The following STK32B variants were observed in gnomAD, a reference collection of about 807,000 sequenced individuals.
The protein encoded by STK32B is serine/threonine kinase 32B, also known as serine/threonine-protein kinase 32B.
In STK32B, 43 loss-of-function variants were observed where a neutral mutation model predicts 52.6. The observed-to-expected ratio is 0.82, with a 90% CI of 0.64 to 1.05. The LOEUF (loss-of-function observed/expected upper bound fraction) is 1.05, where lower values mean the gene tolerates loss of function less well. Among genes scored for constraint, STK32B ranks in the 50% least tolerant of loss-of-function variants. The probability of loss-of-function intolerance (pLI) is 0.00; values close to 1 mark genes in which losing one functional copy is unlikely to be tolerated. For synonymous variants in STK32B, 238 were observed against 204.3 expected, an observed-to-expected ratio of 1.17 and a Z score of -1.41; for missense variants, 621 against 534.6, an observed-to-expected ratio of 1.16 and a Z score of -1.59.
At chr4:5,166,951 G>T (rs1315989116) in intron 2 of STK32B, among the ~76,000 whole-genome samples, 1 of 152,058 alleles carries the variant, frequency 6.6e-6, no homozygotes, top group Non-Finnish European at 1.5e-5. Flanking sequence ...GTCCCTCCTC[G>T]GGGTGTTGGG....
At chr4:5,419,298 C>T (rs1712428057) in intron 6 of STK32B, among the ~76,000 whole-genome samples, 2 of 152,176 alleles carry the variant, frequency 1.3e-5, no homozygotes, top group African/African-American at 4.8e-5. Context: ...CTTTGTTCTC[C>T]TCTCCCATTT....
chr4:5,459,289 C>CA (rs1231927830), intron 8 of STK32B, among the ~76,000 whole-genome samples: 1 of 149,670 alleles, frequency 6.7e-6, no homozygotes, highest in Non-Finnish European at 1.5e-5. Context: ...TGTGCCCCCC[C>CA]CCCCCACCTT....
chr4:5,239,593 G>A (rs1307822403), intron 3 of STK32B, among the ~76,000 whole-genome samples: 2 of 152,110 alleles, frequency 1.3e-5, no homozygotes, highest in African/African-American at 2.4e-5. Flanking sequence ...CTGGCACTGA[G>A]TGTGCACCCA....
At chr4:5,169,591 C>CA (rs1391709680) in intron 3 of STK32B, among the ~76,000 whole-genome samples, 1 of 152,146 alleles carries the variant, frequency 6.6e-6, no homozygotes, top group Admixed American at 6.5e-5. Flanking sequence ...GTGCCACAGA[C>CA]ATGGGCATTG....
chr4:5,202,489 G>A (rs1044815249), intron 3 of STK32B, among the ~76,000 whole-genome samples: 6 of 152,240 alleles, frequency 3.9e-5, no homozygotes, highest in African/African-American at 9.6e-5. Flanking sequence ...TCACAGCTCC[G>A]CTCGGCAGTG....
chr4:5,365,781 G>T (rs57098207), intron 4 of STK32B, among the ~76,000 whole-genome samples: 277 of 152,308 alleles, frequency 1.8e-3, no homozygotes, highest in African/African-American at 6.4e-3. Context: ...TTTCAAAAGG[G>T]ACTGATGAGT....
intron 3 of STK32B, 36 bp downstream of exon 3, chr4:5,168,486 C>T: frequency 1.3e-6 from 2 of 1,582,888 alleles, no homozygotes; most frequent in East Asian, 2.3e-5. Context: ...CTGTGGGTTC[C>T]CCTGTGGGGA....
At chr4:5,135,995 A>G (rs546121349) in intron 1 of STK32B, among the ~76,000 whole-genome samples, 57 of 152,324 alleles carry the variant, frequency 3.7e-4, no homozygotes, top group Non-Finnish European at 7.5e-4. Flanking sequence ...CTTCTTAGAA[A>G]TGCAAATTCT....
intron 7 of STK32B, among the ~76,000 whole-genome samples, chr4:5,449,724 C>G (rs1715809188): frequency 6.6e-6 from 1 of 152,172 alleles, no homozygotes; most frequent in South Asian, 2.1e-4. Flanking sequence ...CACCTCCTGT[C>G]AGGTCAGCAG....
intron 5 of STK32B, among the ~76,000 whole-genome samples, chr4:5,412,353 G>A (rs956119588): frequency 1.4e-4 from 22 of 152,224 alleles, no homozygotes; most frequent in African/African-American, 4.3e-4. Context: ...CTACATCTTC[G>A]GTTGCCCATT....
At chr4:5,179,444 A>G (rs567051141) in intron 3 of STK32B, among the ~76,000 whole-genome samples, 32 of 152,352 alleles carry the variant, frequency 2.1e-4, no homozygotes, top group African/African-American at 7.5e-4. Context: ...CTATTATCAT[A>G]TATACATGCC....
At chr4:5,193,377 A>G (rs1292535695) in intron 3 of STK32B, among the ~76,000 whole-genome samples, 1 of 152,204 alleles carries the variant, frequency 6.6e-6, no homozygotes, top group Non-Finnish European at 1.5e-5. Flanking sequence ...GTAGATGAAC[A>G]CACTGAGGCC....
intron 4 of STK32B, among the ~76,000 whole-genome samples, chr4:5,352,737 C>T (rs968872294): frequency 2.9e-5 from 4 of 136,192 alleles, no homozygotes; most frequent in African/African-American, 8.8e-5. Context: ...TCTGATAAAT[C>T]GAGTAAAGTG....
chr4:5,246,589 T>C (rs1725466771), intron 3 of STK32B, among the ~76,000 whole-genome samples: 1 of 152,242 alleles, frequency 6.6e-6, no homozygotes, highest in Non-Finnish European at 1.5e-5. Flanking sequence ...AGTCATTCTC[T>C]GTCCAGCTTT....
intron 3 of STK32B, among the ~76,000 whole-genome samples, chr4:5,317,256 TATAAC>T (rs1347167028): frequency 9.3e-4 from 40 of 42,782 alleles, no homozygotes; most frequent in Non-Finnish European, 1.1e-3. Flanking sequence ...ATATATAACA[TATAAC>T]ATATATATAA....
At chr4:5,406,810 A>G (rs752932524) in intron 5 of STK32B, among the ~76,000 whole-genome samples, 8 of 152,180 alleles carry the variant, frequency 5.3e-5, no homozygotes, top group South Asian at 2.1e-4. Flanking sequence ...CTCCAGGCCT[A>G]TGATGGGAGG....
At chr4:5,369,251 T>A (rs897311242) in intron 4 of STK32B, among the ~76,000 whole-genome samples, 1 of 151,810 alleles carries the variant, frequency 6.6e-6, no homozygotes, top group Non-Finnish European at 1.5e-5. Context: ...CATGGCAGAG[T>A]GAGCCTGGTT....
At chr4:5,246,814 C>T (rs1725486238) in intron 3 of STK32B, among the ~76,000 whole-genome samples, 1 of 152,190 alleles carries the variant, frequency 6.6e-6, no homozygotes, top group Non-Finnish European at 1.5e-5. Flanking sequence ...CACTGCAGGT[C>T]TGTTGGAGTT....
At chr4:5,268,905 G>A (rs181500914) in intron 3 of STK32B, among the ~76,000 whole-genome samples, 1 of 152,232 alleles carries the variant, frequency 6.6e-6, no homozygotes, top group Non-Finnish European at 1.5e-5. Context: ...TGGACATCAA[G>A]CAACAGAGGA....
Sources: gnomAD v4.1 joint callset for allele counts (sites outside exome capture counted in the v4.1 genomes callset) on GRCh38, gnomAD v4.1.1 for gene constraint, MANE v1.5 for transcripts, NCBI Gene and HGNC (gene_info 2026-07-23, HGNC 2026-07-21) for gene names.